CNTNAP4: variants seen among roughly 807,000 people sequenced by gnomAD.
The protein encoded by CNTNAP4 is contactin associated protein family member 4.
Under a neutral mutation model 148.4 loss-of-function variants are expected in CNTNAP4, and 98 were observed. The ratio of observed to expected loss-of-function variants is 0.66; its 90% CI spans 0.56 to 0.78. CNTNAP4 has a LOEUF of 0.78. Among genes scored for constraint, CNTNAP4 ranks in the 30% least tolerant of loss-of-function variants. The pLI, the probability that CNTNAP4 is intolerant of heterozygous loss-of-function variation, is 0.00. For missense variants in CNTNAP4, 1,935 were observed against 1,565.6 expected (o/e 1.24, Z -3.98); for synonymous variants, 730 against 565.1 (o/e 1.29, Z -4.14).
intron 9 of CNTNAP4, among the ~76,000 whole-genome samples, chr16:76,467,104 C>G (rs976744505): frequency 6.6e-6 from 1 of 152,066 alleles, no homozygotes; most frequent in Non-Finnish European, 1.5e-5. Context: ...AAATCTAGAT[C>G]AAGTTAATAT....
At chr16:76,518,540 G>C (rs2083336959) in intron 15 of CNTNAP4, among the ~76,000 whole-genome samples, 1 of 152,002 alleles carries the variant, frequency 6.6e-6, no homozygotes, top group Non-Finnish European at 1.5e-5. Context: ...TTTTTTTCTA[G>C]ATACATAATA....
intron 13 of CNTNAP4, among the ~76,000 whole-genome samples, chr16:76,491,731 A>G (rs4888514): frequency 0.8 from 121,872 of 152,184 alleles, 50,247 homozygotes; most frequent in East Asian, 0.96. Flanking sequence ...GAGATAAAAG[A>G]AGGTCATGCA....
chr16:76,392,475 C>T (rs16944337), intron 3 of CNTNAP4, among the ~76,000 whole-genome samples: 3,092 of 151,958 alleles, frequency 0.02, 95 homozygotes, highest in African/African-American at 0.069. Context: ...TACAGAATTC[C>T]GCAAATCTAC....
At chr16:76,328,845 A>G (rs1227726815) in intron 2 of CNTNAP4, among the ~76,000 whole-genome samples, 2 of 152,092 alleles carry the variant, frequency 1.3e-5, no homozygotes, top group Non-Finnish European at 2.9e-5. Context: ...GGGTTTCTCC[A>G]TTTTGGTCAG....
intron 8 of CNTNAP4, among the ~76,000 whole-genome samples, chr16:76,458,406 T>G (rs1317050074): frequency 1.3e-5 from 2 of 152,292 alleles, no homozygotes; most frequent in African/African-American, 2.4e-5. Flanking sequence ...TGTACTTTAT[T>G]TCTATTATTA....
At chr16:76,351,508 T>C (rs1469100216) in intron 2 of CNTNAP4, among the ~76,000 whole-genome samples, 1 of 152,242 alleles carries the variant, frequency 6.6e-6, no homozygotes, top group African/African-American at 2.4e-5. Flanking sequence ...TAATACCATG[T>C]GCATCTGCAG....
At chr16:76,474,398 G>A (rs1488971669) in intron 10 of CNTNAP4, among the ~76,000 whole-genome samples, 6 of 152,114 alleles carry the variant, frequency 3.9e-5, no homozygotes, top group African/African-American at 7.2e-5. Context: ...CCTGTAGTCC[G>A]CAAGAAACCT....
chr16:76,474,703 G>T (rs935784600), intron 10 of CNTNAP4, among the ~76,000 whole-genome samples: 1 of 152,032 alleles, frequency 6.6e-6, no homozygotes, highest in East Asian at 1.9e-4. Context: ...TCTGATTAGG[G>T]CTATTTGAGT....
At chr16:76,308,935 C>T (rs998779613) in intron 1 of CNTNAP4, among the ~76,000 whole-genome samples, 3 of 151,604 alleles carry the variant, frequency 2.0e-5, no homozygotes, top group Non-Finnish European at 4.4e-5. Context: ...AGAGACCCTC[C>T]TGCCTCAGCC....
intron 2 of CNTNAP4, among the ~76,000 whole-genome samples, chr16:76,335,472 C>G (rs1299169728): frequency 6.6e-6 from 1 of 152,038 alleles, no homozygotes; most frequent in African/African-American, 2.4e-5. Context: ...AGAAGGCATC[C>G]CTTTTATCCC....
chr16:76,554,808 T>A, intron 23 of CNTNAP4, among the ~76,000 whole-genome samples: 1 of 152,090 alleles, frequency 6.6e-6, no homozygotes, highest in East Asian at 1.9e-4. Flanking sequence ...GAGTTCTTCC[T>A]CTATTCAGTC....
chr16:76,356,865 G>T (rs1194399125), intron 3 of CNTNAP4, among the ~76,000 whole-genome samples: 1 of 152,066 alleles, frequency 6.6e-6, no homozygotes, highest in African/African-American at 2.4e-5. Flanking sequence ...TATGTTTAAA[G>T]CTCTTGGTGG....
At chr16:76,462,778 G>A (rs1253587662) in intron 9 of CNTNAP4, among the ~76,000 whole-genome samples, 1 of 152,208 alleles carries the variant, frequency 6.6e-6, no homozygotes, top group Non-Finnish European at 1.5e-5. Flanking sequence ...TTTTCCGTTA[G>A]AAATCCAATG....
intron 3 of CNTNAP4, among the ~76,000 whole-genome samples, chr16:76,375,670 A>G (rs1277838880): frequency 6.6e-6 from 1 of 152,106 alleles, no homozygotes; most frequent in East Asian, 1.9e-4. Context: ...ATGTGAGTAG[A>G]TCTAATAATC....
intron 8 of CNTNAP4, among the ~76,000 whole-genome samples, chr16:76,455,098 A>G (rs891283569): frequency 6.6e-6 from 1 of 152,216 alleles, no homozygotes; most frequent in Non-Finnish European, 1.5e-5. Context: ...TCAACACATT[A>G]TATTAGTATA....
At chr16:76,458,245 C>T (rs2080809887) in intron 8 of CNTNAP4, among the ~76,000 whole-genome samples, 1 of 152,050 alleles carries the variant, frequency 6.6e-6, no homozygotes, top group Non-Finnish European at 1.5e-5. Context: ...GTAAATAATA[C>T]TACAATAAAT....
intron 3 of CNTNAP4, among the ~76,000 whole-genome samples, chr16:76,394,953 C>T (rs1345969953): frequency 6.6e-6 from 1 of 152,070 alleles, no homozygotes; most frequent in African/African-American, 2.4e-5. Flanking sequence ...CACCGTGATA[C>T]CAGGATGAAT....
chr16:76,441,737 A>G (rs2174685), intron 4 of CNTNAP4, among the ~76,000 whole-genome samples: 53,092 of 152,066 alleles, frequency 0.35, 11,031 homozygotes, highest in Non-Finnish European at 0.45. Flanking sequence ...TCACAAATAC[A>G]CCAAATGTAC....
At chr16:76,411,375 A>ATTG (rs2078785228) in intron 3 of CNTNAP4, among the ~76,000 whole-genome samples, 1 of 151,426 alleles carries the variant, frequency 6.6e-6, no homozygotes, top group Non-Finnish European at 1.5e-5. Context: ...ACAATAGAAT[A>ATTG]TACAGGTAAA....
Sources: gnomAD v4.1 joint callset for allele counts (sites outside exome capture counted in the v4.1 genomes callset) on GRCh38, gnomAD v4.1.1 for gene constraint, MANE v1.5 for transcripts, NCBI Gene and HGNC (gene_info 2026-07-23, HGNC 2026-07-21) for gene names.